The following NIPSNAP2 variants were observed in gnomAD, a reference collection of about 807,000 sequenced individuals.
NIPSNAP2 encodes nipsnap homolog 2.
In NIPSNAP2, 42 loss-of-function variants were observed where a neutral mutation model predicts 48.4. The ratio of observed to expected loss-of-function variants is 0.87; its 90% CI spans 0.68 to 1.12. The LOEUF (loss-of-function observed/expected upper bound fraction) is 1.12. Among genes scored for constraint, NIPSNAP2 ranks in the 50% most tolerant of loss-of-function variants. The probability of loss-of-function intolerance (pLI) is 0.00; values close to 1 mark genes in which losing one functional copy is unlikely to be tolerated. For synonymous variants in NIPSNAP2, 158 were observed against 126.6 expected, an observed-to-expected ratio of 1.25 and a Z score of -1.67; for missense variants, 314 against 347.3, an observed-to-expected ratio of 0.90 and a Z score of 0.76.
intron 1 of NIPSNAP2, among the ~76,000 whole-genome samples, chr7:55,966,065 G>A (rs1040648462): frequency 6.6e-6 from 1 of 152,170 alleles, no homozygotes; most frequent in African/African-American, 2.4e-5. Flanking sequence ...AGGCGTCCAA[G>A]GCCATCCGGA....
At chr7:55,989,441 A>G (rs2116366639) in intron 7 of NIPSNAP2, among the ~76,000 whole-genome samples, 1 of 152,296 alleles carries the variant, frequency 6.6e-6, no homozygotes, top group Admixed American at 6.5e-5. Context: ...CCTTGGCAAC[A>G]TGGTGAAACC....
At chr7:55,978,439 T>C in intron 3 of NIPSNAP2, 44 bp downstream of exon 3, 7 of 1,510,938 alleles carry the variant, frequency 4.6e-6, no homozygotes, top group Non-Finnish European at 4.5e-6. Context: ...AAATAATGAC[T>C]TTATTTGTTA....
intron 1 of NIPSNAP2, among the ~76,000 whole-genome samples, chr7:55,967,200 CT>C (rs1171840015): frequency 2.6e-5 from 4 of 152,396 alleles, no homozygotes; most frequent in African/African-American, 9.6e-5. Flanking sequence ...CCTCTTCCTT[CT>C]GTGAAGCCTG....
Position 55,999,081 on chromosome 7 carries a change from A to C in NIPSNAP2, c.*9A>C. ...CCTCGCCCCTCCAGTAAAGCTGTAG[A>C]GTTTCTATGTGCCTACATACATTTC... On this transcript the variant is annotated 3_prime_UTR_variant, in exon 10 of 10. Transcript: ENST00000322090. 6.2e-7 allele frequency: 1 copy of C among 1,601,964 alleles called. No homozygotes were observed. The highest frequency in any genetic ancestry group is 8.6e-7 in the Non-Finnish European group (1 of 1,169,294).
chr7:55,984,017 C>T, intron 6 of NIPSNAP2, 149 bp downstream of exon 6: 2 of 421,834 alleles, frequency 4.7e-6, no homozygotes, highest in Non-Finnish European at 8.0e-6. Flanking sequence ...GACTGGGTCT[C>T]ACACTGTCAC....
At chr7:55,983,936 G>C in intron 6 of NIPSNAP2, 68 bp downstream of exon 6, 1 of 1,438,154 alleles carries the variant, frequency 7.0e-7, no homozygotes, top group South Asian at 1.2e-5. Flanking sequence ...TTGTAAGGCT[G>C]ACAACAGAAC....
chr7:55,976,827 A>G (rs534828752), intron 1 of NIPSNAP2, among the ~76,000 whole-genome samples: 46 of 152,152 alleles, frequency 3.0e-4, no homozygotes, highest in African/African-American at 1.0e-3. Flanking sequence ...ATTTGAGGCT[A>G]CAGTGAACTA....
chr7:55,968,530 C>T (rs922893353), intron 1 of NIPSNAP2, among the ~76,000 whole-genome samples: 6 of 151,916 alleles, frequency 3.9e-5, no homozygotes, highest in African/African-American at 1.2e-4. Context: ...GGACTACAGG[C>T]GTGCGCCACC....
intron 1 of NIPSNAP2, among the ~76,000 whole-genome samples, chr7:55,967,989 A>G (rs1078650): frequency 0.36 from 55,176 of 151,502 alleles, 10,553 homozygotes; most frequent in Non-Finnish European, 0.43. Context: ...GGGTCTTGCT[A>G]TGTTCCCCAG....
intron 6 of NIPSNAP2, 127 bp downstream of exon 6, chr7:55,983,995 G>A: frequency 6.0e-6 from 4 of 668,216 alleles, no homozygotes; most frequent in Non-Finnish European, 9.0e-6. Context: ...GTATATATAT[G>A]TATTTTTTTA....
At chr7:55,968,958 A>G (rs180951704) in intron 1 of NIPSNAP2, among the ~76,000 whole-genome samples, 2 of 152,082 alleles carry the variant, frequency 1.3e-5, no homozygotes, top group African/African-American at 4.8e-5. Flanking sequence ...GAAGCAAGGT[A>G]ATTGCTCGAG....
rs566206226 is a variant in NIPSNAP2, at chr7:55,978,743, C to A, written c.278+348C>A. On this transcript the variant is annotated intron_variant, in intron 3 of 9. Coordinates refer to ENST00000322090, the MANE Select transcript of NIPSNAP2 (RefSeq NM_001483.3). ...TCCTGAAGTAAGTTCCATCTCTGGA[C>A]AGCTCTGAGTGTTAGGAATAAGAAT... The A allele has an allele frequency of 1.7e-5, 4 of 241,450 alleles. No homozygotes were observed. The South Asian group carries it at 3.0e-4, about 18-fold the overall frequency. 15.0% of individuals were successfully genotyped at this position (241,450 alleles called of 1,614,324 possible). A position where few individuals can be genotyped will look rare whatever the true frequency, so the allele number is the denominator to read the frequency against.
intron 7 of NIPSNAP2, among the ~76,000 whole-genome samples, 159 bp downstream of exon 7, chr7:55,985,037 C>A (rs2116358475): frequency 6.6e-6 from 1 of 152,206 alleles, no homozygotes; most frequent in South Asian, 2.1e-4. Flanking sequence ...TTCAAACATA[C>A]AAAACTAGAG....
At chr7:55,995,126 G>T (rs1787533151) in intron 8 of NIPSNAP2, 138 bp downstream of exon 8, 2 of 706,540 alleles carry the variant, frequency 2.8e-6, no homozygotes, top group Non-Finnish European at 5.0e-6. Flanking sequence ...GTCTGTACGG[G>T]GCTGTCTGGA....
chr7:55,976,337 C>T (rs929506108), intron 1 of NIPSNAP2, among the ~76,000 whole-genome samples: 2 of 152,182 alleles, frequency 1.3e-5, no homozygotes, highest in Non-Finnish European at 2.9e-5. Context: ...GACCAGTCTG[C>T]ATTAATGGCT....
intron 1 of NIPSNAP2, among the ~76,000 whole-genome samples, chr7:55,974,662 C>T (rs985646524): frequency 6.6e-6 from 1 of 151,872 alleles, no homozygotes; most frequent in African/African-American, 2.4e-5. Context: ...TCCTGGCTAA[C>T]ACGGTGAAAC....
chr7:55,998,932 C>A, intron 9 of NIPSNAP2, 76 bp from the exon 10 acceptor site: 3 of 1,194,102 alleles, frequency 2.5e-6, no homozygotes, highest in South Asian at 1.2e-5. Context: ...ACATTCTCGG[C>A]AATCTGTCTG....
intron 1 of NIPSNAP2, among the ~76,000 whole-genome samples, chr7:55,972,583 C>G (rs923396345): frequency 3.3e-5 from 5 of 151,710 alleles, no homozygotes; most frequent in African/African-American, 1.2e-4. Context: ...CAGGCATGCG[C>G]CACCATGCCT....
intron 1 of NIPSNAP2, among the ~76,000 whole-genome samples, chr7:55,977,007 G>A (rs1418888365): frequency 1.3e-5 from 2 of 152,160 alleles, no homozygotes; most frequent in East Asian, 3.8e-4. Flanking sequence ...ATGAAAATTA[G>A]CAAATTATGT....
Sources: gnomAD v4.1 joint callset for allele counts (sites outside exome capture counted in the v4.1 genomes callset) on GRCh38, gnomAD v4.1.1 for gene constraint, MANE v1.5 for transcripts, NCBI Gene and HGNC (gene_info 2026-07-23, HGNC 2026-07-21) for gene names.